ARNT2: variants seen among roughly 807,000 people sequenced by gnomAD.
The protein encoded by ARNT2 is aryl hydrocarbon receptor nuclear translocator 2, also known as ARNT protein 2.
In ARNT2, 36 loss-of-function variants were observed where a neutral mutation model predicts 91.7. The observed-to-expected ratio is 0.39, with a 90% CI of 0.30 to 0.52. The LOEUF is 0.52. ARNT2 is among the 20% of genes least tolerant of loss of function. ARNT2 has a pLI of 0.72. For synonymous variants in ARNT2, 365 were observed against 347.1 expected (o/e 1.05, Z -0.57); for missense variants, 775 against 939.3 (o/e 0.83, Z 2.29).
intron 1 of ARNT2, among the ~76,000 whole-genome samples, chr15:80,445,944 A>C (rs1404562774): frequency 6.6e-6 from 1 of 152,048 alleles, no homozygotes; most frequent in Non-Finnish European, 1.5e-5. Flanking sequence ...GAAAAGCAAC[A>C]TTATCAAAGT....
chr15:80,501,445 G>C (rs1897191277), intron 5 of ARNT2, among the ~76,000 whole-genome samples: 2 of 152,178 alleles, frequency 1.3e-5, no homozygotes, highest in Admixed American at 6.5e-5. Context: ...TCTGGAGAAG[G>C]TTATCTGGGA....
intron 11 of ARNT2, among the ~76,000 whole-genome samples, chr15:80,557,679 C>T (rs1324367681): frequency 6.6e-6 from 1 of 152,132 alleles, no homozygotes; most frequent in African/African-American, 2.4e-5. Flanking sequence ...TCACCATCCA[C>T]CTGTTTGCCC....
chr15:80,542,303 A>G (rs7172094), intron 8 of ARNT2, among the ~76,000 whole-genome samples: 62,732 of 151,938 alleles, frequency 0.41, 13,962 homozygotes, highest in African/African-American at 0.57. Flanking sequence ...TTACAGATGA[A>G]CTCCCTTATG....
At position 80,591,714 on chromosome 15, in the gene ARNT2, G is replaced by A; in HGVS notation, c.2055+10G>A. 1 of 1,613,798 alleles carries A rather than the reference G, an allele frequency of 6.2e-7. No individual in the cohort carries two copies. The highest frequency in any genetic ancestry group is 8.5e-7 in the Non-Finnish European group (1 of 1,179,752). ...GACTGAAGTGTTCCAGGTAAATCGA[G>A]CGAGCACCGCCTTCTCGTAGGTACC... On this transcript the variant is annotated intron_variant, in intron 18 of 18. Transcript: ENST00000303329. The surrounding 1 kb of genome is among the most constrained non-coding windows in gnomAD (Gnocchi z 5.1).
intron 1 of ARNT2, among the ~76,000 whole-genome samples, chr15:80,405,575 G>T (rs537607443): frequency 1.3e-5 from 2 of 152,336 alleles, no homozygotes; most frequent in South Asian, 4.1e-4. Flanking sequence ...TTTCATCTAA[G>T]GCGGCCAGGG....
chr15:80,531,382 G>A (rs1897737843), intron 8 of ARNT2, among the ~76,000 whole-genome samples: 3 of 152,224 alleles, frequency 2.0e-5, no homozygotes, highest in South Asian at 2.1e-4. Flanking sequence ...TGGTATGAGG[G>A]AAGAGTATAT....
At chr15:80,555,265 G>T in intron 11 of ARNT2, 126 bp downstream of exon 11, 1 of 922,624 alleles carries the variant, frequency 1.1e-6, no homozygotes, top group East Asian at 2.4e-5. Context: ...CCTCACTCAG[G>T]GCCCCTGCTA....
chr15:80,597,383 T>C lies in ARNT2; in HGVS notation c.*3685T>C, dbSNP rs904185609. 14 of 488,494 alleles carry C rather than the reference T, an allele frequency of 2.9e-5. No individual in the cohort carries two copies. Among genetic ancestry groups the C allele is most frequent in the Admixed American group, 2.5e-4 (12 of 48,126 alleles). 30.3% of individuals were successfully genotyped at this position (488,494 alleles called of 1,614,324 possible). A position where few individuals can be genotyped will look rare whatever the true frequency, so the allele number is the denominator to read the frequency against. On this transcript the variant is annotated 3_prime_UTR_variant, in exon 19 of 19. Coordinates refer to ENST00000303329, the MANE Select transcript of ARNT2 (RefSeq NM_014862.4). ...GTGTCCTTTATATTACCAGAAAATA[T>C]GGGCTTGGCCTAAGTCGCTGTCTCC...
At chr15:80,565,148 C>G (rs1270343136) in intron 12 of ARNT2, among the ~76,000 whole-genome samples, 1 of 152,140 alleles carries the variant, frequency 6.6e-6, no homozygotes, top group Non-Finnish European at 1.5e-5. Context: ...TGGTGTCAAA[C>G]TCCTGGACTC....
At chr15:80,472,123 G>A (rs116385697) in intron 4 of ARNT2, among the ~76,000 whole-genome samples, 7,711 of 146,306 alleles carry the variant, frequency 0.053, 685 homozygotes, top group African/African-American at 0.18. Context: ...GCATTGGGGT[G>A]GGGAGGTGAA....
intron 8 of ARNT2, among the ~76,000 whole-genome samples, chr15:80,547,514 G>A (rs1898009326): frequency 6.6e-6 from 1 of 152,164 alleles, no homozygotes; most frequent in Non-Finnish European, 1.5e-5. Flanking sequence ...TGGGCTGTGA[G>A]CTGAACTAGG....
At chr15:80,545,551 G>A (rs1008049230) in intron 8 of ARNT2, among the ~76,000 whole-genome samples, 9 of 152,342 alleles carry the variant, frequency 5.9e-5, no homozygotes, top group African/African-American at 2.2e-4. Flanking sequence ...TGATTGGAGA[G>A]CTAACTGAAG....
At chr15:80,456,277 CT>C (rs5814025) in intron 2 of ARNT2, among the ~76,000 whole-genome samples, 107,694 of 150,082 alleles carry the variant, frequency 0.72, 38,958 homozygotes, top group East Asian at 0.8. Flanking sequence ...TTTAACTGTA[CT>C]TTTTTTTTTT....
At chr15:80,414,894 G>T (rs1446063888) in intron 1 of ARNT2, among the ~76,000 whole-genome samples, 1 of 152,064 alleles carries the variant, frequency 6.6e-6, no homozygotes, top group Non-Finnish European at 1.5e-5. Flanking sequence ...GGTGTGGTGG[G>T]GGTGGGTTGG....
At chr15:80,477,723 C>T (rs1896827773) in intron 5 of ARNT2, among the ~76,000 whole-genome samples, 1 of 152,216 alleles carries the variant, frequency 6.6e-6, no homozygotes, top group Admixed American at 6.5e-5. Flanking sequence ...TTAACAATCT[C>T]TTTAAAAGTC....
intron 18 of ARNT2, among the ~76,000 whole-genome samples, chr15:80,592,486 C>T (rs756862264): frequency 1.3e-5 from 2 of 152,218 alleles, no homozygotes; most frequent in Non-Finnish European, 2.9e-5. Flanking sequence ...ATGATAGGGG[C>T]AGGAACCACA....
At chr15:80,497,642 T>G (rs374822793) in intron 5 of ARNT2, among the ~76,000 whole-genome samples, 18 of 152,234 alleles carry the variant, frequency 1.2e-4, no homozygotes, top group East Asian at 5.8e-4. Context: ...CCATGGAAAC[T>G]AATATAGATA....
chr15:80,428,550 A>G (rs1309275785), intron 1 of ARNT2, among the ~76,000 whole-genome samples: 4 of 152,240 alleles, frequency 2.6e-5, no homozygotes, highest in African/African-American at 9.6e-5. Context: ...TGATAAATGT[A>G]GAAACTGCGT....
intron 5 of ARNT2, among the ~76,000 whole-genome samples, chr15:80,483,228 A>T (rs1398325228): frequency 6.6e-6 from 1 of 152,214 alleles, no homozygotes; most frequent in African/African-American, 2.4e-5. Flanking sequence ...TTTTAATAGG[A>T]TTCCCGAGGA....
Sources: gnomAD v4.1 joint callset for allele counts (sites outside exome capture counted in the v4.1 genomes callset) on GRCh38, gnomAD v4.1.1 for gene constraint, Gnocchi (gnomAD v3.1) non-coding constraint, MANE v1.5 for transcripts, NCBI Gene and HGNC (gene_info 2026-07-23, HGNC 2026-07-21) for gene names.